The following ARHGEF11 variants were observed in gnomAD, a reference collection of about 807,000 sequenced individuals.
ARHGEF11 encodes the protein Rho guanine nucleotide exchange factor 11.
ARHGEF11 carries 55 observed loss-of-function variants against 193.7 expected under a neutral mutation model. That is an observed-to-expected ratio of 0.28 (90% CI 0.23 to 0.36). ARHGEF11 has a LOEUF of 0.36. Among genes scored for constraint, ARHGEF11 ranks in the 10% least tolerant of loss-of-function variants. The probability of loss-of-function intolerance (pLI) is 1.00; values close to 1 mark genes in which losing one functional copy is unlikely to be tolerated. For synonymous variants in ARHGEF11, 693 were observed against 768.0 expected (o/e 0.90, Z 1.62); for missense variants, 1,723 against 2,005.6 (o/e 0.86, Z 2.69).
Position 156,951,701 on chromosome 1 carries a change from T to A in ARHGEF11, c.1799-2A>T. 6.2e-7 allele frequency: 1 copy of A among 1,614,024 alleles called. No homozygotes were observed. Among genetic ancestry groups the A allele is most frequent in the Non-Finnish European group, 8.5e-7 (1 of 1,179,974 alleles). On this transcript the variant is annotated splice_acceptor_variant, in intron 21 of 40. Coordinates refer to ENST00000368194, the MANE Select transcript of ARHGEF11 (RefSeq NM_198236.3). LOFTEE classifies it high-confidence loss of function. Reference sequence around the variant, plus strand: ...TGTTCCTCACATTGCCTGGTTTGACTAGAAGCAAAAAGAAAATGAAGGACA... The same window carrying A: ...TGTTCCTCACATTGCCTGGTTTGACAAGAAGCAAAAAGAAAATGAAGGACA...
At chr1:156,994,337 AT>A (rs1463421825) in intron 1 of ARHGEF11, among the ~76,000 whole-genome samples, 1 of 151,186 alleles carries the variant, frequency 6.6e-6, no homozygotes, top group African/African-American at 2.4e-5. Context: ...AAAAAAGATA[AT>A]ATTTATTAAG....
intron 1 of ARHGEF11, among the ~76,000 whole-genome samples, chr1:157,013,363 G>GT (rs1303986016): frequency 2.7e-5 from 4 of 150,772 alleles, no homozygotes; most frequent in Non-Finnish European, 5.9e-5. Flanking sequence ...CTGTGCTGCT[G>GT]TATGTAGCAC....
intron 11 of ARHGEF11, among the ~76,000 whole-genome samples, chr1:156,966,991 C>G (rs1661759439): frequency 6.6e-6 from 1 of 152,230 alleles, no homozygotes; most frequent in African/African-American, 2.4e-5. Flanking sequence ...CAATAACCAT[C>G]AGTTTCTTAA....
chr1:156,944,557 C>T (rs1657770232), intron 30 of ARHGEF11, 124 bp from the exon 31 acceptor site: 1 of 1,002,690 alleles, frequency 1.0e-6, no homozygotes. Flanking sequence ...AAAGTCCTTG[C>T]CCTTACTCTC....
At position 156,936,025 on chromosome 1, in the gene ARHGEF11, T is replaced by G. The variant is rs1654982165; in HGVS notation, c.4664A>C (p.Asp1555Ala). 1.9e-6 allele frequency: 3 copies of G among 1,613,722 alleles called. No homozygotes were observed. Among genetic ancestry groups the G allele is most frequent in the Admixed American group, 1.7e-5 (1 of 59,988 alleles). The stretch of plus-strand genomic sequence containing the variant: ...TTATGGTCCTGGTGACGCGGCTGCG[T>G]CTGCTGTGCTGTCTTCCAGGGGGGC... ...SDAPLEDSTADAAASPGP is the reference protein window; with the variant it reads ...SDAPLEDSTAAAAASPGP Residue 1555 changes from aspartate (D) to alanine (A), a missense_variant, in exon 41 of 41, where the codon GAC (aspartate) becomes GCC (alanine). Physicochemically the swap from Asp to Ala is moderately radical, Grantham distance 126. Around this residue, in one of 5 missense-constraint regions of ARHGEF11, gnomAD observed 360 missense variants for 344.4 expected, o/e 1.05. Transcript: ENST00000368194.
intron 1 of ARHGEF11, among the ~76,000 whole-genome samples, chr1:157,000,214 C>T (rs1441019174): frequency 1.3e-5 from 2 of 152,218 alleles, no homozygotes; most frequent in South Asian, 2.1e-4. Flanking sequence ...CCACCTGCCT[C>T]GGCCTCCCAA....
intron 1 of ARHGEF11, among the ~76,000 whole-genome samples, chr1:157,022,194 AC>A (rs1670063483): frequency 6.6e-6 from 1 of 152,210 alleles, no homozygotes; most frequent in Non-Finnish European, 1.5e-5. Flanking sequence ...GGGAAATTAG[AC>A]AAGAAAAAGA....
chr1:156,946,888 C>T, intron 27 of ARHGEF11, 48 bp downstream of exon 27: 4 of 1,613,392 alleles, frequency 2.5e-6, no homozygotes, highest in African/African-American at 1.3e-5. Flanking sequence ...TGAGACCCTG[C>T]CTCCCCCAAT....
rs78767830 is a variant in ARHGEF11, at chr1:156,945,787, G to A, written c.2812+258C>T. The A allele has an allele frequency of 3.0e-4, 123 of 406,538 alleles. No individual in the cohort carries two copies. The East Asian group carries it at 5.5e-3, about 18-fold the overall frequency. The allele number at this position is 406,538 out of a possible 1,614,324, so 25.2% of individuals were successfully genotyped here. On this transcript the variant is annotated intron_variant, in intron 29 of 40. Transcript: ENST00000368194. ...TGCCAGCCTGTGTTGGGCACCGGATGCTTTCCTTGGATTTGCACAAAGGCC... is the reference window on the plus strand; with the variant it reads ...TGCCAGCCTGTGTTGGGCACCGGATACTTTCCTTGGATTTGCACAAAGGCC...
chr1:156,981,089 C>T (rs561937029), intron 3 of ARHGEF11, among the ~76,000 whole-genome samples: 47 of 151,710 alleles, frequency 3.1e-4, no homozygotes, highest in Admixed American at 2.8e-3. Context: ...AGTGCAGAGG[C>T]GTGATCTCAG....
Position 157,018,630 on chromosome 1 carries a change from C to G in ARHGEF11, c.32+25669G>C, listed in dbSNP as rs1377000610. On this transcript the variant is annotated intron_variant, in intron 1 of 40. Coordinates refer to ENST00000368194, the MANE Select transcript of ARHGEF11 (RefSeq NM_198236.3). ...ACTGCACTCCAGCCTGCTGACAGAG[C>G]AAGACTCTGTCTCAAAAAGAAAAAA... Among the ~76,000 whole-genome samples the G allele has an allele frequency of 2.1e-5, 3 of 142,890 alleles. No individual in the cohort carries two copies. In the Admixed American group the frequency reaches 2.2e-4, roughly 10 times the overall value. 93.7% of individuals were successfully genotyped at this position (142,890 alleles called of 152,430 possible).
intron 1 of ARHGEF11, among the ~76,000 whole-genome samples, chr1:156,988,555 T>C (rs16837927): frequency 0.027 from 4,092 of 152,252 alleles, 72 homozygotes; most frequent in South Asian, 0.054. Context: ...TATTAAAGCC[T>C]AGAAGGTGCA....
chr1:157,008,892 T>C (rs1378280957), intron 1 of ARHGEF11, among the ~76,000 whole-genome samples: 1 of 152,234 alleles, frequency 6.6e-6, no homozygotes, highest in East Asian at 1.9e-4. Flanking sequence ...GCTGTTCTCC[T>C]AAGTCCTACT....
intron 35 of ARHGEF11, among the ~76,000 whole-genome samples, chr1:156,941,058 C>T (rs941181558): frequency 2.0e-5 from 3 of 152,092 alleles, no homozygotes; most frequent in Non-Finnish European, 4.4e-5. Flanking sequence ...CCAACAGTAA[C>T]CCCTGGCTGG....
In ARHGEF11 at chr1:156,940,564, G is replaced by A. The variant is rs577183374; in HGVS notation, c.3515-139C>T. The A allele has an allele frequency of 3.8e-4, 267 of 699,216 alleles. 4 individuals carry two copies. In the South Asian group the frequency reaches 6.5e-3, roughly 17 times the overall value. The allele number at this position is 699,216 out of a possible 1,614,324, so 43.3% of individuals were successfully genotyped here. Reference sequence around the variant, plus strand: ...GTTTACTGAGAACTTCCCATGGCCAGCACTGTCCCAGGCTCTTGGCATACA... The same window carrying A: ...GTTTACTGAGAACTTCCCATGGCCAACACTGTCCCAGGCTCTTGGCATACA... On this transcript the variant is annotated intron_variant, in intron 35 of 40. Coordinates refer to ENST00000368194, the MANE Select transcript of ARHGEF11 (RefSeq NM_198236.3).
chr1:156,957,512 G>A (rs1660132702), intron 18 of ARHGEF11, among the ~76,000 whole-genome samples: 1 of 152,200 alleles, frequency 6.6e-6, no homozygotes, highest in African/African-American at 2.4e-5. Flanking sequence ...GCTGCCACCA[G>A]GTATGGGACT....
At chr1:157,016,660 A>G (rs1669273019) in intron 1 of ARHGEF11, among the ~76,000 whole-genome samples, 1 of 152,238 alleles carries the variant, frequency 6.6e-6, no homozygotes, top group Non-Finnish European at 1.5e-5. Context: ...AAATTTACAG[A>G]TAAAATGTCT....
intron 1 of ARHGEF11, among the ~76,000 whole-genome samples, chr1:157,043,888 G>A (rs1452143454): frequency 1.3e-5 from 2 of 152,072 alleles, no homozygotes; most frequent in African/African-American, 4.8e-5. Context: ...GGAGGCCCAC[G>A]CCTCTGCCAG....
At position 157,017,236 on chromosome 1, in the gene ARHGEF11, T is replaced by C. The variant is rs138740177; in HGVS notation, c.32+27063A>G. Among the ~76,000 whole-genome samples the C allele has an allele frequency of 3.7e-3, 568 of 152,294 alleles. 4 individuals carry two copies. The highest frequency in any genetic ancestry group is 0.013 in the African/African-American group (539 of 41,556). ...AACAGCAGGGTCTGCAGAGATCATC[T>C]CACTGCCCAGATTCTGAATGGTCCT... On this transcript the variant is annotated intron_variant, in intron 1 of 40. Transcript: ENST00000368194.
Sources: allele counts gnomAD v4.1 joint callset (sites outside exome capture counted in the v4.1 genomes callset), GRCh38; gene constraint gnomAD v4.1.1; regional missense constraint gnomAD v4.1.1; transcripts MANE v1.5; gene names NCBI Gene and HGNC (gene_info 2026-07-23, HGNC 2026-07-21).